RYR1: variants seen among roughly 807,000 people sequenced by gnomAD.
The protein encoded by RYR1 is central core disease of muscle.
A neutral mutation model predicts 583.5 loss-of-function variants in RYR1; 342 were observed. The ratio of observed to expected loss-of-function variants is 0.59; its 90% CI spans 0.54 to 0.64. RYR1 has a LOEUF of 0.64. Among genes scored for constraint, RYR1 ranks in the 30% least tolerant of loss-of-function variants. The probability of loss-of-function intolerance (pLI) is 0.00; values close to 1 mark genes in which losing one functional copy is unlikely to be tolerated. For missense variants in RYR1, 6,032 were observed against 6,917.2 expected (o/e 0.87, Z 4.54); for synonymous variants, 2,791 against 2,822.5 (o/e 0.99, Z 0.35).
chr19:38,511,752 GGGGGTA>G, intron 61 of RYR1, 142 bp downstream of exon 61: 1 of 1,070,228 alleles, frequency 9.3e-7, no homozygotes, highest in Non-Finnish European at 1.4e-6. Flanking sequence ...CAGGTATCCG[GGGGGTA>G]GGGCAGTGAC....
At chr19:38,525,832 C>T (rs1295632276) in intron 71 of RYR1, among the ~76,000 whole-genome samples, 2 of 151,650 alleles carry the variant, frequency 1.3e-5, no homozygotes, top group African/African-American at 4.9e-5. Context: ...CTGCTGAGAC[C>T]CTGAGAGTCC....
Position 38,489,288 on chromosome 19 carries a change from G to A in RYR1, c.5659G>A (p.Glu1887Lys), listed in dbSNP as rs553067567. The change falls in exon 35 of 106, where the codon GAA (glutamate) becomes AAA (lysine). Residue 1887 changes from glutamate to lysine, a missense_variant. Glu to Lys is a moderately conservative substitution (Grantham distance 56). Transcript: ENST00000359596. ...EEDEEEEGEE[E>K]DEEEKEEDEE... ...GGACGAGGAGGAAGAGGGTGAAGAG[G>A]AAGATGAGGAGGAGAAGGAGGAGGA... 1 of 1,605,746 alleles carries A rather than the reference G, an allele frequency of 6.2e-7. No homozygotes were observed. The highest frequency in any genetic ancestry group is 1.1e-5 in the South Asian group (1 of 90,920).
intron 42 of RYR1, among the ~76,000 whole-genome samples, chr19:38,498,382 CGT>C (rs1969943541): frequency 6.6e-6 from 1 of 151,756 alleles, no homozygotes; most frequent in Non-Finnish European, 1.5e-5. Flanking sequence ...GGAGGAGGCT[CGT>C]GTTGTGGTCC....
At chr19:38,501,840 G>A (rs749344897) in intron 47 of RYR1, among the ~76,000 whole-genome samples, 2 of 152,106 alleles carry the variant, frequency 1.3e-5, no homozygotes, top group Non-Finnish European at 2.9e-5. Flanking sequence ...TTAAATATTA[G>A]CTGGGCATGG....
At chr19:38,535,848 A>C in intron 81 of RYR1, 149 bp from the exon 82 acceptor site, 1 of 759,150 alleles carries the variant, frequency 1.3e-6, no homozygotes. Context: ...GCTTCTGCCA[A>C]CTCTTCATTT....
chr19:38,538,142 A>G (rs948731641), intron 84 of RYR1, among the ~76,000 whole-genome samples, 182 bp downstream of exon 84: 2 of 152,120 alleles, frequency 1.3e-5, no homozygotes, highest in Non-Finnish European at 2.9e-5. Context: ...TCAGGCCTAT[A>G]ATCACAGCAC....
Position 38,499,156 on chromosome 19 carries a change from G to A in RYR1, c.6940G>A (p.Val2314Met). Residue 2314 changes from valine (V) to methionine (M), a missense_variant, in exon 43 of 106, where the codon GTG becomes ATG. Coordinates refer to ENST00000359596, the MANE Select transcript of RYR1 (RefSeq NM_000540.3). This position sits in a 1 kb window ranked among gnomAD's most constrained non-coding sequence, Gnocchi z 7.3. The part of the protein sequence containing the change: ...GCGLQSCPML[V>M]AKGYPDIGWN... ...TGGCCTCCAGAGCTGCCCCATGCTT[G>A]TGGCCAAAGGGTACCCAGACATTGG... The A allele has an allele frequency of 6.2e-7, 1 of 1,614,198 alleles. No homozygotes were observed. Among genetic ancestry groups the A allele is most frequent in the Non-Finnish European group, 8.5e-7 (1 of 1,180,028 alleles).
intron 58 of RYR1, among the ~76,000 whole-genome samples, chr19:38,508,943 T>C (rs1328531173): frequency 6.6e-6 from 1 of 152,162 alleles, no homozygotes; most frequent in Admixed American, 6.6e-5. Flanking sequence ...GGCAGATTTC[T>C]GGATCTATTT....
Position 38,496,117 on chromosome 19 carries a change from A to G in RYR1, c.6549-98A>G. The G allele has an allele frequency of 1.0e-6, 1 of 981,350 alleles. No individual in the cohort carries two copies. Among genetic ancestry groups the G allele is most frequent in the Non-Finnish European group, 1.6e-6 (1 of 621,698 alleles). 60.8% of individuals were successfully genotyped at this position (981,350 alleles called of 1,614,324 possible). A position where few individuals can be genotyped will look rare whatever the true frequency, so the allele number is the denominator to read the frequency against. On this transcript the variant is annotated intron_variant, in intron 39 of 105. Transcript: ENST00000359596. This position sits in a 1 kb window ranked among gnomAD's most constrained non-coding sequence, Gnocchi z 4.8. ...GTAAAGGCGGTGGTGCTAGGCACAG[A>G]GTGAGAGGGTCAAGAATGCCAACGC...
intron 17 of RYR1, 107 bp downstream of exon 17, chr19:38,457,737 G>A: frequency 3.3e-6 from 4 of 1,207,066 alleles, no homozygotes; most frequent in Non-Finnish European, 4.8e-6. Flanking sequence ...TCCCACCCCA[G>A]GGTTAACAAC....
At chr19:38,577,364 G>A (rs1027031093) in intron 97 of RYR1, among the ~76,000 whole-genome samples, 4 of 152,092 alleles carry the variant, frequency 2.6e-5, no homozygotes, top group Non-Finnish European at 4.4e-5. Flanking sequence ...TCATATTTAC[G>A]GAGCACCTAT....
In RYR1 at chr19:38,473,724, G is replaced by A; in HGVS notation, c.4113G>A (p.Arg1371=). 2 of 1,546,318 alleles carry A rather than the reference G, an allele frequency of 1.3e-6. No individual in the cohort carries two copies. The highest frequency in any genetic ancestry group is 1.7e-6 in the Non-Finnish European group (2 of 1,145,300). ...CGGGGGGAGAGGCGCAGCCCGCCAG[G>A]GCGGAGAATGAGAAGGATGCCACCA... The part of the protein sequence containing the change: ...PQAGGEAQPA[R]AENEKDATTE... Residue 1371 remains arginine (R), a synonymous_variant, in exon 28 of 106, where the codon AGG becomes AGA. Transcript: ENST00000359596.
intron 31 of RYR1, among the ~76,000 whole-genome samples, chr19:38,479,746 C>T (rs1968918961): frequency 6.6e-6 from 1 of 151,826 alleles, no homozygotes. Context: ...GACAGGGTTT[C>T]GCTCTGTTAC....
intron 30 of RYR1, 35 bp downstream of exon 30, chr19:38,477,905 T>TGGGGGGTGGTGCTGGGG: frequency 1.7e-6 from 1 of 604,508 alleles, no homozygotes; most frequent in Non-Finnish European, 2.8e-6. Context: ...AGGTGCAGGG[T>TGGGGGGTGGTGCTGGGG]GGGGAGGGCA....
In RYR1 at chr19:38,485,928, C is replaced by T. The variant is rs371317448; in HGVS notation, c.5273C>T (p.Pro1758Leu). ...GGAAGGAGCACAGAAAATGGTCACC[C>T]CCGGCATGGCCTGCCGGGAGTTGGA... is the stretch of plus-strand genomic sequence containing the variant. ...PPGRSTENGH[P>L]RHGLPGVGVT... The change falls in exon 34 of 106, where the codon CCC becomes CTC. Residue 1758 changes from proline to leucine, a missense_variant. Pro to Leu is a moderately conservative substitution (Grantham distance 98, BLOSUM62 -3). Around this residue, in one of 11 missense-constraint regions of RYR1, gnomAD observed 2,627 missense variants for 2,961.3 expected, o/e 0.89. Transcript: ENST00000359596. 6 of 1,613,618 alleles carry T rather than the reference C, an allele frequency of 3.7e-6. No homozygotes were observed. In the African/African-American group the frequency reaches 4.0e-5, roughly 11 times the overall value.
chr19:38,545,500 T>C (rs1186170766), intron 87 of RYR1, among the ~76,000 whole-genome samples: 1 of 152,196 alleles, frequency 6.6e-6, no homozygotes, highest in Non-Finnish European at 1.5e-5. Context: ...CTCCATTTTA[T>C]TTGGTGGAAC....
chr19:38,517,870 A>G (rs878879087), intron 66 of RYR1, among the ~76,000 whole-genome samples, 179 bp downstream of exon 66: 2 of 152,196 alleles, frequency 1.3e-5, no homozygotes, highest in South Asian at 4.1e-4. Context: ...TGTAACACCA[A>G]CACTTTGGGA....
intron 20 of RYR1, among the ~76,000 whole-genome samples, chr19:38,462,084 TG>T (rs1383905702): frequency 6.6e-6 from 1 of 152,120 alleles, no homozygotes; most frequent in African/African-American, 2.4e-5. Context: ...GGACTGTTTT[TG>T]CCTTCCCTCC....
At position 38,519,379 on chromosome 19, in the gene RYR1, G is replaced by A. The variant is rs543161252; in HGVS notation, c.10184G>A (p.Arg3395Gln). 23 of 1,606,740 alleles carry A rather than the reference G, an allele frequency of 1.4e-5. No homozygotes were observed. The highest frequency in any genetic ancestry group is 2.2e-5 in the South Asian group (2 of 90,230). The change falls in exon 67 of 106, where the codon CGG becomes CAG. Residue 3395 changes from arginine (R) to glutamine (Q), a missense_variant. Transcript: ENST00000359596. ...AEAQEGELLV[R>Q]DEFSVLCRDL... ...GCCCAGGAGGGCGAGCTGCTGGTGC[G>A]GGACGAGTTCTCTGTGCTCTGCCGG... is the stretch of plus-strand genomic sequence containing the variant.
Sources: gnomAD v4.1 joint callset for allele counts (sites outside exome capture counted in the v4.1 genomes callset) on GRCh38, gnomAD v4.1.1 for gene constraint, gnomAD v4.1.1 regional missense constraint, Gnocchi (gnomAD v3.1) non-coding constraint, MANE v1.5 for transcripts, NCBI Gene and HGNC (gene_info 2026-07-23, HGNC 2026-07-21) for gene names.